The following PTGER3 variants were observed in gnomAD, a reference collection of about 807,000 sequenced individuals.
The protein encoded by PTGER3 is prostaglandin E receptor 3.
In PTGER3, 22 loss-of-function variants were observed where a neutral mutation model predicts 34.7. The observed-to-expected ratio is 0.63, with a 90% CI of 0.45 to 0.91. PTGER3 has a LOEUF of 0.91. Among genes scored for constraint, PTGER3 ranks in the 40% least tolerant of loss-of-function variants. PTGER3 has a pLI of 0.00. For synonymous variants in PTGER3, 241 were observed against 230.1 expected, an observed-to-expected ratio of 1.05 and a Z score of -0.43; for missense variants, 468 against 519.4, an observed-to-expected ratio of 0.90 and a Z score of 0.96.
At chr1:70,921,939 G>A (rs894859264) in intron 4 of PTGER3, among the ~76,000 whole-genome samples, 1 of 152,184 alleles carries the variant, frequency 6.6e-6, no homozygotes, top group African/African-American at 2.4e-5. Flanking sequence ...AGTAAAATGT[G>A]TAATGCCTTT....
Position 71,043,370 on chromosome 1 carries a change from G to A in PTGER3, c.897+3311C>T, listed in dbSNP as rs556676351. 4.6e-3 allele frequency among the ~76,000 whole-genome samples: 695 copies of A among 152,168 alleles called. 6 individuals carry two copies. Among genetic ancestry groups the A allele is most frequent in the African/African-American group, 0.016 (668 of 41,500 alleles). On this transcript the variant is annotated intron_variant, in intron 1 of 3. Transcript: ENST00000306666. Reference sequence around the variant, plus strand: ...GCAAAATTTCTGAGAAAAAGAAAAAGGAAACAAAGCTTTTGTTTAAGGATA... The same window carrying A: ...GCAAAATTTCTGAGAAAAAGAAAAAAGAAACAAAGCTTTTGTTTAAGGATA...
In PTGER3 at chr1:71,047,655, G is replaced by A; in HGVS notation, c.-78C>T. On this transcript the variant is annotated 5_prime_UTR_variant, in exon 1 of 4. Coordinates refer to ENST00000306666, the MANE Select transcript of PTGER3 (RefSeq NM_198719.2). ...GGCAGACGCGGCGCGGGCGGCGGCG[G>A]AGGTCGGCGTTTACCGCGGCTGGGG... 7.0e-7 allele frequency: 1 copy of A among 1,437,156 alleles called. No homozygotes were observed. Among genetic ancestry groups the A allele is most frequent in the South Asian group, 1.5e-5 (1 of 67,938 alleles). 89.0% of individuals were successfully genotyped at this position (1,437,156 alleles called of 1,614,324 possible). A position where few individuals can be genotyped will look rare whatever the true frequency, so the allele number is the denominator to read the frequency against.
chr1:71,014,461 A>C (rs189865116), intron 1 of PTGER3, among the ~76,000 whole-genome samples: 3 of 152,292 alleles, frequency 2.0e-5, no homozygotes, highest in Admixed American at 2.0e-4. Context: ...ACATGTACGG[A>C]CTGAATGTTT....
chr1:70,860,555 G>C (rs914779140), intron 4 of PTGER3, among the ~76,000 whole-genome samples: 3 of 152,082 alleles, frequency 2.0e-5, no homozygotes, highest in Non-Finnish European at 4.4e-5. Context: ...GATTAGAAGG[G>C]TTTTGTTTTT....
intron 4 of PTGER3, among the ~76,000 whole-genome samples, chr1:70,857,996 A>G (rs1645846179): frequency 6.6e-6 from 1 of 152,128 alleles, no homozygotes. Context: ...AAAATTTTAT[A>G]TTTTTACTAC....
rs201384434 is a variant in PTGER3, at chr1:70,894,180, G to A, written c.*24-41321C>T. Among the ~76,000 whole-genome samples, 33 of 151,760 alleles carry A rather than the reference G, an allele frequency of 2.2e-4. No homozygotes were observed. In the East Asian group the frequency reaches 6.2e-3, roughly 29 times the overall value. On this transcript the variant is annotated intron_variant, in intron 4 of 4. Coordinates refer to the PTGER3 transcript ENST00000370931. ...AAAAATTAGCCGGGCGTGGTGGTGG[G>A]CACCTGTAATCCCAGCTACTTGGGA...
At chr1:70,939,635 A>T (rs1300158906) in intron 4 of PTGER3, among the ~76,000 whole-genome samples, 1 of 152,220 alleles carries the variant, frequency 6.6e-6, no homozygotes, top group Admixed American at 6.5e-5. Context: ...CACAGGCTCA[A>T]CACCACATGG....
chr1:70,867,827 A>G (rs529420644), intron 4 of PTGER3, among the ~76,000 whole-genome samples: 1 of 152,330 alleles, frequency 6.6e-6, no homozygotes, highest in South Asian at 2.1e-4. Context: ...ACTTGGAGTC[A>G]CAAGACAGAA....
At chr1:71,010,620 A>T (rs1297613190) in intron 2 of PTGER3, 1 of 984,690 alleles carries the variant, frequency 1.0e-6, no homozygotes, top group Non-Finnish European at 1.2e-6. Context: ...GAAAAAAAGT[A>T]GGTAGTTTTG....
intron 4 of PTGER3, among the ~76,000 whole-genome samples, chr1:70,871,412 C>CAA: frequency 6.6e-6 from 1 of 152,278 alleles, no homozygotes; most frequent in Non-Finnish European, 1.5e-5. Context: ...GATTACAATT[C>CAA]AACATCAGAT....
At chr1:70,943,253 T>C (rs578220227) in intron 4 of PTGER3, among the ~76,000 whole-genome samples, 2 of 152,312 alleles carry the variant, frequency 1.3e-5, no homozygotes, top group African/African-American at 4.8e-5. Flanking sequence ...TAATTTCTTC[T>C]CCACAACTTG....
At chr1:70,953,680 A>G in intron 3 of PTGER3, 1 of 1,521,096 alleles carries the variant, frequency 6.6e-7, no homozygotes, top group Non-Finnish European at 8.8e-7. Context: ...ATTTAAGGAA[A>G]TATGACAAAC....
At chr1:70,937,301 A>T (rs1295354532) in intron 4 of PTGER3, among the ~76,000 whole-genome samples, 1 of 152,206 alleles carries the variant, frequency 6.6e-6, no homozygotes, top group Non-Finnish European at 1.5e-5. Flanking sequence ...TTTATAATCC[A>T]GTGTTTTTGT....
chr1:70,943,400 T>C (rs1398523587), intron 4 of PTGER3, among the ~76,000 whole-genome samples: 2 of 152,138 alleles, frequency 1.3e-5, no homozygotes, highest in Admixed American at 6.5e-5. Context: ...GACTTGCCAT[T>C]TTTCATATTG....
At chr1:70,892,610 G>A (rs1646640724) in intron 4 of PTGER3, among the ~76,000 whole-genome samples, 1 of 152,190 alleles carries the variant, frequency 6.6e-6, no homozygotes, top group African/African-American at 2.4e-5. Flanking sequence ...GGAGGCTGAG[G>A]TGGGTGGATC....
At chr1:70,929,837 A>G (rs1557663184) in intron 4 of PTGER3, among the ~76,000 whole-genome samples, 1 of 152,242 alleles carries the variant, frequency 6.6e-6, no homozygotes, top group South Asian at 2.1e-4. Context: ...GAAATGAAAT[A>G]TGGACAAATA....
Position 70,970,969 on chromosome 1 carries a change from T to A in PTGER3, c.*761A>T. The stretch of plus-strand genomic sequence containing the variant: ...TGGTGAATCAGAAGGCCTACCTGGA[T>A]TTTTTTATCACTCTAACTGCGCAGC... On this transcript the variant is annotated 3_prime_UTR_variant, in exon 4 of 4. Coordinates refer to ENST00000306666, the MANE Select transcript of PTGER3 (RefSeq NM_198719.2). 2.0e-6 allele frequency: 2 copies of A among 985,320 alleles called. No individual in the cohort carries two copies. Among genetic ancestry groups the A allele is most frequent in the Non-Finnish European group, 2.4e-6 (2 of 829,894 alleles). The allele number at this position is 985,320 out of a possible 1,614,324, so 61.0% of individuals were successfully genotyped here. A position where few individuals can be genotyped will look rare whatever the true frequency, so the allele number is the denominator to read the frequency against.
intron 4 of PTGER3, among the ~76,000 whole-genome samples, chr1:70,860,554 G>C (rs990389016): frequency 6.6e-5 from 10 of 151,996 alleles, no homozygotes; most frequent in Admixed American, 3.9e-4. Flanking sequence ...AGATTAGAAG[G>C]GTTTTGTTTT....
chr1:70,974,277 C>T lies in PTGER3; in HGVS notation c.1169+20G>A, dbSNP rs377554719. ...CGGGGGAAGGCTATGCTATAAATCCCGGCAGTTTCTAAATCTCACCTTTCC... is the reference window on the plus strand; with the variant it reads ...CGGGGGAAGGCTATGCTATAAATCCTGGCAGTTTCTAAATCTCACCTTTCC... On this transcript the variant is annotated intron_variant, in intron 3 of 3. Transcript: ENST00000306666. 1.9e-6 allele frequency: 3 copies of T among 1,612,242 alleles called. No homozygotes were observed. The highest frequency in any genetic ancestry group is 2.5e-6 in the Non-Finnish European group (3 of 1,178,928).
Sources: gnomAD v4.1 joint callset for allele counts (sites outside exome capture counted in the v4.1 genomes callset) on GRCh38, gnomAD v4.1.1 for gene constraint, MANE v1.5 for transcripts, NCBI Gene and HGNC (gene_info 2026-07-23, HGNC 2026-07-21) for gene names.